PCDH15: variants seen among roughly 807,000 people sequenced by gnomAD.
The protein encoded by PCDH15 is protocadherin-15.
PCDH15 carries 129 observed loss-of-function variants against 178.5 expected under a neutral mutation model. The observed-to-expected ratio is 0.72, with a 90% CI of 0.63 to 0.84. PCDH15 has a LOEUF of 0.84. Ranked by LOEUF, PCDH15 falls within the 40% of genes least tolerant of loss-of-function variation. PCDH15 has a pLI of 0.00. For synonymous variants in PCDH15, 800 were observed against 732.0 expected, an observed-to-expected ratio of 1.09 and a Z score of -1.50; for missense variants, 2,230 against 2,099.9, an observed-to-expected ratio of 1.06 and a Z score of -1.21.
intron 3 of PCDH15, among the ~76,000 whole-genome samples, chr10:54,409,801 G>C (rs538039746): frequency 6.6e-6 from 1 of 152,022 alleles, no homozygotes; most frequent in African/African-American, 2.4e-5. Flanking sequence ...CCCATGTTGA[G>C]ACTGGTGGCT....
intron 2 of PCDH15, among the ~76,000 whole-genome samples, chr10:55,579,255 A>G (rs1842559239): frequency 6.6e-6 from 1 of 152,234 alleles, no homozygotes; most frequent in Admixed American, 6.5e-5. Flanking sequence ...ATGAGTAACA[A>G]TATAAAAGTA....
At chr10:55,084,609 A>G (rs1842120128) in intron 2 of PCDH15, among the ~76,000 whole-genome samples, 1 of 152,022 alleles carries the variant, frequency 6.6e-6, no homozygotes, top group South Asian at 2.1e-4. Context: ...CCTGTACAGC[A>G]AAGTAAACAT....
At chr10:54,279,124 T>A (rs12265127) in intron 8 of PCDH15, among the ~76,000 whole-genome samples, 74,348 of 151,178 alleles carry the variant, frequency 0.49, 19,290 homozygotes, top group Middle Eastern at 0.6. Flanking sequence ...ACAAATTGAT[T>A]TTAATGAAAA....
At chr10:54,603,448 T>G (rs1443469969) in intron 2 of PCDH15, among the ~76,000 whole-genome samples, 2 of 151,868 alleles carry the variant, frequency 1.3e-5, no homozygotes, top group African/African-American at 4.8e-5. Flanking sequence ...TTTTTTTCTG[T>G]CTTTGGCTAG....
intron 1 of PCDH15, among the ~76,000 whole-genome samples, chr10:54,778,382 A>C (rs1209622817): frequency 2.0e-5 from 3 of 152,162 alleles, no homozygotes; most frequent in African/African-American, 4.8e-5. Flanking sequence ...CACACAATCC[A>C]TCAATAGTCC....
intron 1 of PCDH15, among the ~76,000 whole-genome samples, chr10:54,727,215 T>TAA (rs139692470): frequency 6.6e-6 from 1 of 150,458 alleles, no homozygotes; most frequent in South Asian, 2.1e-4. Context: ...CTCAACAAAT[T>TAA]AAAAAAAACA....
chr10:53,955,695 C>T (rs1749686929), intron 23 of PCDH15, among the ~76,000 whole-genome samples: 2 of 152,072 alleles, frequency 1.3e-5, no homozygotes, highest in African/African-American at 2.4e-5. Context: ...TTTATATTTC[C>T]CCCAAATTTG....
chr10:55,221,214 T>G (rs1200619741), intron 1 of PCDH15, among the ~76,000 whole-genome samples: 1 of 152,028 alleles, frequency 6.6e-6, no homozygotes, highest in Non-Finnish European at 1.5e-5. Flanking sequence ...GCAAAATTAG[T>G]CTATGGTGAC....
chr10:55,521,773 G>A (rs1169323237), intron 2 of PCDH15, among the ~76,000 whole-genome samples: 1 of 151,826 alleles, frequency 6.6e-6, no homozygotes, highest in East Asian at 1.9e-4. Flanking sequence ...TGAAAATATT[G>A]TAAGTCAAAA....
chr10:53,884,187 T>C (rs2080932294), intron 26 of PCDH15, among the ~76,000 whole-genome samples: 1 of 152,204 alleles, frequency 6.6e-6, no homozygotes, highest in Non-Finnish European at 1.5e-5. Context: ...CACTGACAAC[T>C]ACTGGGGCGA....
intron 3 of PCDH15, among the ~76,000 whole-genome samples, chr10:54,418,214 A>G (rs1954738346): frequency 6.6e-6 from 1 of 152,170 alleles, no homozygotes; most frequent in Admixed American, 6.5e-5. Flanking sequence ...CTTGAATGGT[A>G]CAGCTGATGT....
chr10:54,015,145 T>G (rs2092702343), intron 20 of PCDH15, among the ~76,000 whole-genome samples: 2 of 151,992 alleles, frequency 1.3e-5, no homozygotes, highest in African/African-American at 4.8e-5. Flanking sequence ...AAATCAAGAA[T>G]GCAATCCCAT....
At chr10:54,325,489 G>A (rs1266332946) in intron 7 of PCDH15, among the ~76,000 whole-genome samples, 5 of 151,956 alleles carry the variant, frequency 3.3e-5, no homozygotes, top group Admixed American at 2.6e-4. Flanking sequence ...TGGCTCATGC[G>A]TGTAATCCCA....
At chr10:55,447,766 T>C (rs1839350265) in intron 2 of PCDH15, among the ~76,000 whole-genome samples, 1 of 152,102 alleles carries the variant, frequency 6.6e-6, no homozygotes, top group African/African-American at 2.4e-5. Context: ...TAAAATATTA[T>C]AAATTTACAA....
chr10:55,307,725 C>T (rs1362490128), intron 1 of PCDH15, among the ~76,000 whole-genome samples: 1 of 151,674 alleles, frequency 6.6e-6, no homozygotes, highest in Non-Finnish European at 1.5e-5. Context: ...CCAACTTGCC[C>T]CCCAAACAAA....
intron 2 of PCDH15, among the ~76,000 whole-genome samples, chr10:54,986,607 T>C (rs1055138908): frequency 6.6e-6 from 1 of 152,106 alleles, no homozygotes; most frequent in Non-Finnish European, 1.5e-5. Flanking sequence ...ATTATAAAGG[T>C]AGGAAAACTG....
chr10:55,269,388 A>G (rs1842381749), intron 1 of PCDH15, among the ~76,000 whole-genome samples: 1 of 152,262 alleles, frequency 6.6e-6, no homozygotes, highest in South Asian at 2.1e-4. Context: ...AATCCTAATG[A>G]CCCCATCAAA....
chr10:54,089,032 T>TG (rs2094557810), intron 16 of PCDH15, among the ~76,000 whole-genome samples: 2 of 152,228 alleles, frequency 1.3e-5, no homozygotes, highest in South Asian at 4.1e-4. Flanking sequence ...AGGCTTTTTA[T>TG]TTTTCAAATA....
chr10:55,473,298 A>C (rs1345987501), intron 2 of PCDH15, among the ~76,000 whole-genome samples: 1 of 152,124 alleles, frequency 6.6e-6, no homozygotes, highest in East Asian at 1.9e-4. Flanking sequence ...GAATAAATGC[A>C]AAAGCTCAAA....
Sources: allele counts gnomAD v4.1 joint callset (sites outside exome capture counted in the v4.1 genomes callset), GRCh38; gene constraint gnomAD v4.1.1; transcripts MANE v1.5; gene names NCBI Gene and HGNC (gene_info 2026-07-23, HGNC 2026-07-21).